EXOC6B: variants seen among roughly 807,000 people sequenced by gnomAD.
EXOC6B encodes SEC15 homolog B.
In EXOC6B, 54 loss-of-function variants were observed where a neutral mutation model predicts 113.5. The observed-to-expected ratio is 0.48, with a 90% CI of 0.38 to 0.60. The LOEUF (loss-of-function observed/expected upper bound fraction) is 0.60. Ranked by LOEUF, EXOC6B falls within the 20% of genes least tolerant of loss-of-function variation. EXOC6B has a pLI of 0.00. For missense variants in EXOC6B, 797 were observed against 977.5 expected, an observed-to-expected ratio of 0.82 and a Z score of 2.46; for synonymous variants, 357 against 339.0, an observed-to-expected ratio of 1.05 and a Z score of -0.58.
intron 18 of EXOC6B, among the ~76,000 whole-genome samples, chr2:72,424,172 C>A (rs1488602331): frequency 6.6e-6 from 1 of 152,014 alleles, no homozygotes; most frequent in Non-Finnish European, 1.5e-5. Flanking sequence ...GTTAATATTA[C>A]ACAATTCTTG....
At chr2:72,801,318 A>C (rs1021430846) in intron 1 of EXOC6B, among the ~76,000 whole-genome samples, 8 of 152,226 alleles carry the variant, frequency 5.3e-5, no homozygotes, top group African/African-American at 1.9e-4. Flanking sequence ...AATAATTTAT[A>C]ATTAAAGACA....
intron 20 of EXOC6B, among the ~76,000 whole-genome samples, chr2:72,197,567 G>A (rs1679248979): frequency 6.6e-6 from 1 of 152,040 alleles, no homozygotes; most frequent in African/African-American, 2.4e-5. Flanking sequence ...AAATTTGGCA[G>A]TAGCATACAA....
At chr2:72,366,163 G>C (rs966583435) in intron 19 of EXOC6B, among the ~76,000 whole-genome samples, 1 of 151,904 alleles carries the variant, frequency 6.6e-6, no homozygotes, top group Non-Finnish European at 1.5e-5. Context: ...GGTAGAACAG[G>C]ACTGTTACAT....
chr2:72,496,464 T>C lies in EXOC6B; in HGVS notation c.1433A>G (p.Glu478Gly). 1 of 1,586,216 alleles carries C rather than the reference T, an allele frequency of 6.3e-7. No individual in the cohort carries two copies. The highest frequency in any genetic ancestry group is 8.6e-7 in the Non-Finnish European group (1 of 1,160,674). The part of the protein sequence containing the change: ...VVGQFPFQDI[E>G]LEKQPFPKKF... ...TAAAGTATTCCTTACCTTTTCCAGT[T>C]CTATATCTTGAAATGGGAATTGTCC... is the stretch of plus-strand genomic sequence containing the variant. The change falls in exon 14 of 22, where the codon GAA (glutamate) becomes GGA (glycine). Residue 478 changes from glutamate (E) to glycine (G), a missense_variant. Transcript: ENST00000272427.
At chr2:72,668,269 T>A (rs1028675636) in intron 6 of EXOC6B, among the ~76,000 whole-genome samples, 10 of 152,122 alleles carry the variant, frequency 6.6e-5, no homozygotes, top group Non-Finnish European at 8.8e-5. Context: ...AAATAACAGA[T>A]GTTGGTGAGT....
intron 20 of EXOC6B, among the ~76,000 whole-genome samples, chr2:72,254,549 C>T (rs1331634211): frequency 2.0e-5 from 3 of 152,148 alleles, no homozygotes; most frequent in Non-Finnish European, 4.4e-5. Context: ...CCATAGGAAA[C>T]TAATACAGAT....
At chr2:72,658,288 A>AAAAAAAAAAAAAAAAAAAAAG (rs1394070363) in intron 6 of EXOC6B, among the ~76,000 whole-genome samples, 2 of 3,656 alleles carry the variant, frequency 5.5e-4, no homozygotes, top group African/African-American at 7.1e-4. Context: ...AAAACTAGTA[A>AAAAAAAAAAAAAAAAAAAAAG]AAAAAAAAAA....
At chr2:72,406,996 G>A (rs956707268) in intron 18 of EXOC6B, among the ~76,000 whole-genome samples, 4 of 151,582 alleles carry the variant, frequency 2.6e-5, no homozygotes, top group African/African-American at 7.3e-5. Flanking sequence ...AAAGAGAGAA[G>A]AATCAAATAG....
intron 3 of EXOC6B, among the ~76,000 whole-genome samples, chr2:72,732,290 A>G (rs6738020): frequency 0.049 from 7,392 of 152,018 alleles, 580 homozygotes; most frequent in African/African-American, 0.17. Flanking sequence ...CTGGGACTAT[A>G]GACATGCACC....
At chr2:72,389,500 C>T (rs2105104813) in intron 18 of EXOC6B, among the ~76,000 whole-genome samples, 1 of 152,060 alleles carries the variant, frequency 6.6e-6, no homozygotes, top group South Asian at 2.1e-4. Flanking sequence ...GTATTCTTTG[C>T]TCCTCTATGT....
intron 17 of EXOC6B, among the ~76,000 whole-genome samples, chr2:72,471,815 G>T (rs552419046): frequency 4.6e-5 from 7 of 152,140 alleles, no homozygotes; most frequent in Non-Finnish European, 1.0e-4. Flanking sequence ...TTAAAGGAAA[G>T]GCAGTCAACC....
At chr2:72,657,474 C>T (rs1389975985) in intron 6 of EXOC6B, among the ~76,000 whole-genome samples, 10 of 151,304 alleles carry the variant, frequency 6.6e-5, no homozygotes, top group African/African-American at 1.9e-4. Flanking sequence ...TCAGGTGATC[C>T]GTCTGCCTCG....
chr2:72,532,542 G>A (rs1264964312), intron 8 of EXOC6B, among the ~76,000 whole-genome samples: 1 of 152,074 alleles, frequency 6.6e-6, no homozygotes, highest in African/African-American at 2.4e-5. Context: ...AGGCACGGTG[G>A]CTCACACCTG....
chr2:72,299,303 C>T (rs555846631), intron 20 of EXOC6B, among the ~76,000 whole-genome samples: 6 of 151,838 alleles, frequency 4.0e-5, no homozygotes, highest in African/African-American at 1.4e-4. Context: ...ATATGCTTCA[C>T]AAAATTCTCG....
chr2:72,537,360 G>A (rs578117452), intron 8 of EXOC6B, among the ~76,000 whole-genome samples: 1 of 152,032 alleles, frequency 6.6e-6, no homozygotes, highest in African/African-American at 2.4e-5. Context: ...TCCCAGCACT[G>A]GGAGGCTGAG....
chr2:72,250,286 C>T (rs1449269145), intron 20 of EXOC6B, among the ~76,000 whole-genome samples: 1 of 152,172 alleles, frequency 6.6e-6, no homozygotes, highest in Non-Finnish European at 1.5e-5. Flanking sequence ...CCAAATTAAT[C>T]AGTACCTTTC....
chr2:72,406,769 C>A (rs1693800250), intron 18 of EXOC6B, among the ~76,000 whole-genome samples: 1 of 152,060 alleles, frequency 6.6e-6, no homozygotes, highest in Non-Finnish European at 1.5e-5. Flanking sequence ...CTAAAATGGA[C>A]ACCCTAACAT....
chr2:72,286,578 C>T (rs1036957159), intron 20 of EXOC6B, among the ~76,000 whole-genome samples: 2 of 152,078 alleles, frequency 1.3e-5, no homozygotes, highest in African/African-American at 2.4e-5. Flanking sequence ...GGATACTTGT[C>T]ATTAGATATT....
Position 72,401,601 on chromosome 2 carries a change from A to G in EXOC6B, c.1981-21731T>C, listed in dbSNP as rs867213951. ...TATATACATATATATATATATATAT[A>G]TGTGTATATATATATATATACATAT... On this transcript the variant is annotated intron_variant, in intron 18 of 21. Coordinates refer to ENST00000272427, the MANE Select transcript of EXOC6B (RefSeq NM_015189.3). 8.8e-3 allele frequency among the ~76,000 whole-genome samples: 245 copies of G among 27,890 alleles called. 17 individuals are homozygous for G. Among genetic ancestry groups the G allele is most frequent in the South Asian group, 0.019 (25 of 1,292 alleles). 18.3% of individuals were successfully genotyped at this position (27,890 alleles called of 152,430 possible).
Sources: allele counts gnomAD v4.1 joint callset (sites outside exome capture counted in the v4.1 genomes callset), GRCh38; gene constraint gnomAD v4.1.1; transcripts MANE v1.5; gene names NCBI Gene and HGNC (gene_info 2026-07-23, HGNC 2026-07-21).